Variants in GNAI1 observed in about 807,000 individuals in gnomAD.
GNAI1 encodes guanine nucleotide-binding protein G(i) subunit alpha-1.
In GNAI1, 11 loss-of-function variants were observed where a neutral mutation model predicts 38.9. That is an observed-to-expected ratio of 0.28 (90% CI 0.18 to 0.47). The LOEUF (loss-of-function observed/expected upper bound fraction) is 0.47, where lower values mean the gene tolerates loss of function less well. Among genes scored for constraint, GNAI1 ranks in the 20% least tolerant of loss-of-function variants. The pLI is 0.99. For missense variants in GNAI1, 317 were observed against 436.9 expected (o/e 0.73, Z 2.45); for synonymous variants, 166 against 145.1 (o/e 1.14, Z -1.04).
chr7:80,151,730 G>GATTT (rs1377057346), intron 1 of GNAI1, among the ~76,000 whole-genome samples: 1 of 152,222 alleles, frequency 6.6e-6, no homozygotes, highest in Admixed American at 6.5e-5. Flanking sequence ...CCTAAGTGCA[G>GATTT]ATTTATTTAA....
chr7:80,145,511 A>G (rs1328326722), intron 1 of GNAI1, among the ~76,000 whole-genome samples: 2 of 152,142 alleles, frequency 1.3e-5, no homozygotes, highest in East Asian at 3.9e-4. Flanking sequence ...ATTTTTATCC[A>G]GTTGGTAATA....
chr7:80,158,205 CT>C (rs1787852741), intron 1 of GNAI1, among the ~76,000 whole-genome samples: 1 of 152,166 alleles, frequency 6.6e-6, no homozygotes. Flanking sequence ...ATGTTGGCTA[CT>C]CTGGATTTTT....
chr7:80,148,559 T>C (rs538856599), intron 1 of GNAI1, among the ~76,000 whole-genome samples: 1 of 152,020 alleles, frequency 6.6e-6, no homozygotes, highest in South Asian at 2.1e-4. Context: ...CTTAGAAAAT[T>C]AGAGCATCTG....
chr7:80,216,252 G>T (rs75150066), intron 7 of GNAI1, among the ~76,000 whole-genome samples: 2,809 of 150,742 alleles, frequency 0.019, 92 homozygotes, highest in African/African-American at 0.064. Context: ...CTCAGGTCAA[G>T]AAACCAAACA....
intron 6 of GNAI1, among the ~76,000 whole-genome samples, chr7:80,212,450 C>T (rs1316780280): frequency 6.6e-6 from 1 of 152,164 alleles, no homozygotes; most frequent in Non-Finnish European, 1.5e-5. Context: ...ATTATAATGT[C>T]CTGTAGCAGG....
In GNAI1 at chr7:80,210,557, G is replaced by A. The variant is rs190509245; in HGVS notation, c.591-412G>A. Among the ~76,000 whole-genome samples the A allele has an allele frequency of 7.2e-5, 11 of 152,134 alleles. No homozygotes were observed. The East Asian group carries it at 1.9e-3, about 27-fold the overall frequency. ...CTCTGTTCTCTGCCTTCAATGTTCC[G>A]TGACTGTGGCAAATGGAATATTTAC... On this transcript the variant is annotated intron_variant, in intron 5 of 7. Coordinates refer to ENST00000649796, the MANE Select transcript of GNAI1 (RefSeq NM_002069.6).
At chr7:80,206,898 G>C (rs1239685230) in intron 5 of GNAI1, among the ~76,000 whole-genome samples, 4 of 152,012 alleles carry the variant, frequency 2.6e-5, no homozygotes, top group East Asian at 3.9e-4. Flanking sequence ...ATGTGAATGT[G>C]GTCTCACTTT....
rs930687229 is a variant in GNAI1, at chr7:80,220,576, G to A, written c.*3083G>A. Among the ~76,000 whole-genome samples the A allele has an allele frequency of 4.6e-5, 7 of 152,306 alleles. No individual in the cohort carries two copies. The highest frequency in any genetic ancestry group is 1.9e-4 in the East Asian group (1 of 5,186). On this transcript the variant is annotated 3_prime_UTR_variant, in exon 8 of 8. Transcript: ENST00000649796. ...TTGCCATTCTTAAAGTCCCTAAGGC[G>A]CTTGTGGTTTCTAAAATTCTCTTCA...
Position 80,220,885 on chromosome 7 carries a change from G to A in GNAI1, c.*3392G>A, listed in dbSNP as rs1428070700. ...TTTCGCCTATCCCCACTCTGCCCTTGAGTTCCTCTGAGCCATAATAGTTTT... is the reference window on the plus strand; with the variant it reads ...TTTCGCCTATCCCCACTCTGCCCTTAAGTTCCTCTGAGCCATAATAGTTTT... On this transcript the variant is annotated 3_prime_UTR_variant, in exon 8 of 8. Transcript: ENST00000649796. 6.6e-6 allele frequency among the ~76,000 whole-genome samples: 1 copy of A among 152,084 alleles called. No homozygotes were observed. Among genetic ancestry groups the A allele is most frequent in the Non-Finnish European group, 1.5e-5 (1 of 68,018 alleles).
rs375354102 is a variant in GNAI1, at chr7:80,152,660, A to G, written c.118+17382A>G. Among the ~76,000 whole-genome samples, 44 of 145,406 alleles carry G rather than the reference A, an allele frequency of 3.0e-4. No homozygotes were observed. In the East Asian group the frequency reaches 7.7e-3, roughly 26 times the overall value. On this transcript the variant is annotated intron_variant, in intron 1 of 7. Coordinates refer to ENST00000649796, the MANE Select transcript of GNAI1 (RefSeq NM_002069.6). ...ACTTCAACCTCCAACTTCCGGGTTC[A>G]TGCCATTCTCCTGCCTCAGCCTCCC... is the stretch of plus-strand genomic sequence containing the variant.
intron 4 of GNAI1, among the ~76,000 whole-genome samples, chr7:80,202,948 G>A (rs573474239): frequency 7.7e-4 from 117 of 152,084 alleles, no homozygotes; most frequent in South Asian, 5.0e-3. Flanking sequence ...TAGACCCCTC[G>A]CTATCCATGA....
intron 1 of GNAI1, among the ~76,000 whole-genome samples, chr7:80,172,405 G>A (rs566990176): frequency 6.6e-6 from 1 of 152,218 alleles, no homozygotes; most frequent in South Asian, 2.1e-4. Context: ...TTGTCTCATG[G>A]GATCAGATTT....
rs1293686465 is a variant in GNAI1 at position 80,222,981 on chromosome 7, A to G, written c.*5488A>G. ...AGATTAGCATACAGTTGGACAAGAT[A>G]GCATAAAGCCTATTTTACAATAAAG... is the stretch of plus-strand genomic sequence containing the variant. On this transcript the variant is annotated 3_prime_UTR_variant, in exon 8 of 8. Transcript: ENST00000649796. Among the ~76,000 whole-genome samples, 1 of 152,230 alleles carries G rather than the reference A, an allele frequency of 6.6e-6. No homozygotes were observed. Among genetic ancestry groups the G allele is most frequent in the Non-Finnish European group, 1.5e-5 (1 of 68,024 alleles).
At chr7:80,154,745 CTGAAAATGGTATTTTCT>C (rs1472045116) in intron 1 of GNAI1, among the ~76,000 whole-genome samples, 1 of 152,032 alleles carries the variant, frequency 6.6e-6, no homozygotes, top group East Asian at 1.9e-4. Flanking sequence ...TAATGTTTTC[CTGAAAATGGTATTTTCT>C]TGAAAATGGT....
rs932575261 is a variant in GNAI1 at position 80,224,918 on chromosome 7, A to G, written c.*7425A>G. ...ATGTGGTTTTGGAAAATAGGTACTC[A>G]TGTGTCTTTGCATTATATTTGTATT... On this transcript the variant is annotated 3_prime_UTR_variant, in exon 8 of 8. Transcript: ENST00000649796. Among the ~76,000 whole-genome samples the G allele has an allele frequency of 1.3e-5, 2 of 152,108 alleles. No homozygotes were observed. Among genetic ancestry groups the G allele is most frequent in the African/African-American group, 2.4e-5 (1 of 41,408 alleles).
intron 4 of GNAI1, among the ~76,000 whole-genome samples, chr7:80,200,310 G>A (rs1457153780): frequency 1.0e-5 from 1 of 95,384 alleles, no homozygotes; most frequent in Non-Finnish European, 1.8e-5. Flanking sequence ...TGGAGATGGA[G>A]TGAGGCCATG....
chr7:80,194,761 C>T (rs1788539167), intron 3 of GNAI1, among the ~76,000 whole-genome samples: 1 of 151,992 alleles, frequency 6.6e-6, no homozygotes, highest in African/African-American at 2.4e-5. Flanking sequence ...GTAATAAGTT[C>T]AGATTTGGGA....
At chr7:80,186,856 C>A (rs1788394133) in intron 1 of GNAI1, among the ~76,000 whole-genome samples, 1 of 152,130 alleles carries the variant, frequency 6.6e-6, no homozygotes, top group Admixed American at 6.5e-5. Flanking sequence ...CTTGGGTGGA[C>A]CCCCTGGATT....
At chr7:80,201,346 G>A (rs1006294415) in intron 4 of GNAI1, among the ~76,000 whole-genome samples, 5 of 152,164 alleles carry the variant, frequency 3.3e-5, no homozygotes, top group African/African-American at 9.7e-5. Context: ...CTTTCTCACT[G>A]TATGGGGGAA....
Sources: gnomAD v4.1 joint callset for allele counts (sites outside exome capture counted in the v4.1 genomes callset) on GRCh38, gnomAD v4.1.1 for gene constraint, MANE v1.5 for transcripts, NCBI Gene and HGNC (gene_info 2026-07-23, HGNC 2026-07-21) for gene names.